Variants in PARP12 observed in about 807,000 individuals in gnomAD.
PARP12 encodes protein mono-ADP-ribosyltransferase PARP12.
Under a neutral mutation model 72.4 loss-of-function variants are expected in PARP12, and 59 were observed. The observed-to-expected ratio is 0.81, with a 90% CI of 0.66 to 1.01. The LOEUF is 1.01. PARP12 is among the 50% of genes least tolerant of loss of function. The pLI, the probability that PARP12 is intolerant of heterozygous loss-of-function variation, is 0.00. For missense variants in PARP12, 851 were observed against 914.0 expected (o/e 0.93, Z 0.89); for synonymous variants, 403 against 371.4 (o/e 1.09, Z -0.98).
intron 6 of PARP12, among the ~76,000 whole-genome samples, chr7:140,039,586 A>C (rs902529365): frequency 2.0e-5 from 3 of 152,228 alleles, no homozygotes; most frequent in Non-Finnish European, 4.4e-5. Flanking sequence ...CTGTGGCAGG[A>C]CCAGCAGGTG....
chr7:140,032,576 A>T (rs574664230), intron 8 of PARP12, among the ~76,000 whole-genome samples: 43 of 152,308 alleles, frequency 2.8e-4, no homozygotes, highest in African/African-American at 9.6e-4. Flanking sequence ...CATCCATGAA[A>T]AGGGGACATA....
At chr7:140,037,889 A>T in intron 6 of PARP12, 33 bp from the exon 7 acceptor site, 3 of 1,589,986 alleles carry the variant, frequency 1.9e-6, no homozygotes, top group Non-Finnish European at 2.6e-6. Context: ...TTATGAAGGC[A>T]AGAAACTGCG....
chr7:140,037,932 A>T, intron 6 of PARP12, 76 bp from the exon 7 acceptor site: 2 of 1,552,238 alleles, frequency 1.3e-6, no homozygotes, highest in South Asian at 2.4e-5. Context: ...CACCCACGCC[A>T]CATTTCAGAG....
At chr7:140,037,501 G>C (rs1482517070) in intron 7 of PARP12, among the ~76,000 whole-genome samples, 2 of 152,166 alleles carry the variant, frequency 1.3e-5, no homozygotes, top group African/African-American at 2.4e-5. Context: ...CCCCTCCTGG[G>C]GTCCATTCTC....
Position 140,058,024 on chromosome 7 carries a change from T to C in PARP12, c.337A>G (p.Arg113Gly). The C allele has an allele frequency of 6.2e-7, 1 of 1,614,226 alleles. No homozygotes were observed. The highest frequency in any genetic ancestry group is 1.3e-5 in the African/African-American group (1 of 75,058). Residue 113 changes from arginine to glycine, a missense_variant, in exon 2 of 12, where the codon AGG becomes GGG. This residue lies in a region of PARP12 where 492 missense variants were observed against 489.3 expected (regional missense o/e 1.01). Coordinates refer to ENST00000263549, the MANE Select transcript of PARP12 (RefSeq NM_022750.4). ...TCGGTTGTCAAGCTGTGACTATTCC[T>C]ACAGTTCTTCCTGCAAAGAAGCAGA... ...CKFLRAGKNCRNSHSLTTEHN... is the reference protein window; with the variant it reads ...CKFLRAGKNCGNSHSLTTEHN...
intron 7 of PARP12, among the ~76,000 whole-genome samples, chr7:140,037,360 G>A (rs1004401953): frequency 6.6e-6 from 1 of 152,260 alleles, no homozygotes; most frequent in Non-Finnish European, 1.5e-5. Flanking sequence ...GCAGCAGGGA[G>A]TGAAAGGCAG....
rs1816128232 is a variant in PARP12 at position 140,035,842 on chromosome 7, G to GGAGGAGGAGGAGGGGGAA, written c.1325-1512_1325-1511insTTCCCCCTCCTCCTCCTC. 8.0e-5 allele frequency among the ~76,000 whole-genome samples: 7 copies of GGAGGAGGAGGAGGGGGAA among 86,982 alleles called. No homozygotes were observed. In the South Asian group the frequency reaches 2.1e-3, roughly 26 times the overall value. The allele number at this position is 86,982 out of a possible 152,430, so 57.1% of individuals were successfully genotyped here. On this transcript the variant is annotated intron_variant, in intron 7 of 11. Transcript: ENST00000263549. Reference sequence around the variant, plus strand: ...ATACTGGTATCTACCAAAAGAAGGAGGAGGAAGAGGAGGAGGAGGGGGAAG... The same window carrying GGAGGAGGAGGAGGGGGAA: ...ATACTGGTATCTACCAAAAGAAGGAGGAGGAGGAGGAGGGGGAAGAGGAAGAGGAGGAGGAGGGGGAAG...
rs1817257789 is a variant in PARP12, at chr7:140,057,959, GT to G, written c.401del (p.His134ProfsTer2). The G allele has an allele frequency of 6.2e-7, 1 of 1,614,094 alleles. No individual in the cohort carries two copies. On this transcript the variant is annotated frameshift_variant, in exon 2 of 12. Transcript: ENST00000263549. LOFTEE classifies it high-confidence loss of function. The part of the protein sequence containing the change: ...LSVLRTHGVD[H>X]LSYNELCQLL... ...GTTGGCATAGCTCATTATAGCTCAG[GT>G]GGTCAACGCCATGAGTTCTCAGCAC...
intron 6 of PARP12, among the ~76,000 whole-genome samples, chr7:140,039,120 G>A (rs1428276476): frequency 1.3e-5 from 2 of 152,202 alleles, no homozygotes; most frequent in Non-Finnish European, 2.9e-5. Context: ...CCTAGTTTAC[G>A]GTCTCATAGC....
chr7:140,043,445 C>A (rs1816579605), intron 5 of PARP12, among the ~76,000 whole-genome samples: 1 of 152,106 alleles, frequency 6.6e-6, no homozygotes, highest in South Asian at 2.1e-4. Flanking sequence ...AGGAAAAAAA[C>A]AGAACTTTTA....
intron 7 of PARP12, among the ~76,000 whole-genome samples, chr7:140,035,948 G>A (rs1569526871): frequency 1.9e-4 from 18 of 93,160 alleles, no homozygotes; most frequent in African/African-American, 1.2e-3. Context: ...GGAGGAGGAG[G>A]AGGACGAGGA....
At chr7:140,030,004 G>C (rs1815880041) in intron 8 of PARP12, among the ~76,000 whole-genome samples, 1 of 152,204 alleles carries the variant, frequency 6.6e-6, no homozygotes, top group Non-Finnish European at 1.5e-5. Flanking sequence ...CTGATGAGAT[G>C]CACCTATCCG....
At chr7:140,056,726 T>C (rs1414610079) in intron 3 of PARP12, 130 bp downstream of exon 3, 8 of 964,816 alleles carry the variant, frequency 8.3e-6, no homozygotes, top group African/African-American at 3.3e-5. Flanking sequence ...ATCAACTCCA[T>C]TTTACTAAAA....
intron 4 of PARP12, among the ~76,000 whole-genome samples, chr7:140,048,675 G>A (rs1816835096): frequency 6.6e-6 from 1 of 152,174 alleles, no homozygotes; most frequent in Admixed American, 6.5e-5. Context: ...CCTGGTAACT[G>A]GAGACAAAGT....
chr7:140,033,766 C>T (rs1405132204), intron 8 of PARP12: 10 of 990,264 alleles, frequency 1.0e-5, no homozygotes, highest in East Asian at 2.2e-4. Context: ...GAAAGAAACT[C>T]ACCCTGACGA....
At chr7:140,027,120 G>C (rs77945279) in intron 10 of PARP12, among the ~76,000 whole-genome samples, 156 bp downstream of exon 10, 353 of 152,254 alleles carry the variant, frequency 2.3e-3, no homozygotes, top group African/African-American at 6.6e-3. Flanking sequence ...CACTGCCCTG[G>C]GGGAGCGGAC....
intron 4 of PARP12, among the ~76,000 whole-genome samples, chr7:140,052,732 TTG>T (rs9340762): frequency 0.046 from 6,672 of 145,588 alleles, 167 homozygotes; most frequent in African/African-American, 0.067. Flanking sequence ...AAGACCCCTT[TTG>T]TGTGTGTGTG....
At chr7:140,034,139 T>C in intron 8 of PARP12, 96 bp downstream of exon 8, 1 of 1,488,750 alleles carries the variant, frequency 6.7e-7, no homozygotes. Flanking sequence ...AAGCCAACGG[T>C]GCCCGGGTGC....
At chr7:140,028,571 A>G in intron 9 of PARP12, 42 bp downstream of exon 9, 1 of 1,501,318 alleles carries the variant, frequency 6.7e-7, no homozygotes, top group African/African-American at 1.4e-5. Context: ...CCACTTCTAC[A>G]GAACACCTTC....
Sources: allele counts gnomAD v4.1 joint callset (sites outside exome capture counted in the v4.1 genomes callset), GRCh38; gene constraint gnomAD v4.1.1; regional missense constraint gnomAD v4.1.1; transcripts MANE v1.5; gene names NCBI Gene and HGNC (gene_info 2026-07-23, HGNC 2026-07-21).